The following JADE2 variants were observed in gnomAD, a reference collection of about 807,000 sequenced individuals.
JADE2 encodes jade family PHD finger 2, also known as E3 ubiquitin-protein ligase Jade-2.
In JADE2, 13 loss-of-function variants were observed where a neutral mutation model predicts 85.7. The ratio of observed to expected loss-of-function variants is 0.15; its 90% CI spans 0.10 to 0.24. JADE2 has a LOEUF of 0.24. JADE2 is among the 10% of genes least tolerant of loss of function. The probability of loss-of-function intolerance (pLI) is 1.00; values close to 1 mark genes in which losing one functional copy is unlikely to be tolerated. For synonymous variants in JADE2, 440 were observed against 456.1 expected (o/e 0.96, Z 0.45); for missense variants, 846 against 1,115.9 (o/e 0.76, Z 3.45).
Position 134,578,700 on chromosome 5 carries a change from C to A in JADE2, c.1888C>A (p.Arg630=). The change falls in exon 12 of 12, where the codon CGA becomes AGA. Residue 630 remains arginine, a synonymous_variant. Transcript: ENST00000681547. This position sits in a 1 kb window ranked among gnomAD's most constrained non-coding sequence, Gnocchi z 4.4. ...LLSFMRDPSL[R]PGDPARKARG... ...CAGCTTCATGCGGGACCCCTCGCTG[C>A]GACCTGGTGACCCTGCTAGGAAGGC... 2 of 1,613,730 alleles carry A rather than the reference C, an allele frequency of 1.2e-6. No individual in the cohort carries two copies. The highest frequency in any genetic ancestry group is 1.7e-6 in the Non-Finnish European group (2 of 1,179,964).
intron 1 of JADE2, among the ~76,000 whole-genome samples, chr5:134,527,857 G>A (rs1350301358): frequency 6.6e-6 from 1 of 152,198 alleles, no homozygotes; most frequent in Non-Finnish European, 1.5e-5. Flanking sequence ...TGTCTTTGCC[G>A]TATGCCGAAG....
chr5:134,538,755 A>G (rs1761760050), intron 3 of JADE2, among the ~76,000 whole-genome samples: 1 of 152,096 alleles, frequency 6.6e-6, no homozygotes, highest in African/African-American at 2.4e-5. Context: ...CTTCAGTGCT[A>G]ATGCCACAAG....
At chr5:134,546,456 A>G (rs978737099) in intron 3 of JADE2, among the ~76,000 whole-genome samples, 6 of 152,190 alleles carry the variant, frequency 3.9e-5, no homozygotes, top group African/African-American at 1.4e-4. Flanking sequence ...ATTAGAAGAG[A>G]TGGACATTAA....
chr5:134,533,773 G>T (rs1380188899), intron 1 of JADE2, among the ~76,000 whole-genome samples: 10 of 135,606 alleles, frequency 7.4e-5, no homozygotes, highest in Non-Finnish European at 9.2e-5. Flanking sequence ...TTGAGATAAG[G>T]TCTTACTCTG....
chr5:134,579,409 C>CTGGGACACTCAG lies in JADE2; in HGVS notation c.*92_*93insTGGGACACTCAG. ...GCCATTTCCAGTCTCTGCTGAGTGTCCCAGACCCTCGAGGCTGCCACTCCG... is the reference window on the plus strand; with the variant it reads ...GCCATTTCCAGTCTCTGCTGAGTGTCTGGGACACTCAGCCAGACCCTCGAGGCTGCCACTCCG... On this transcript the variant is annotated 3_prime_UTR_variant, in exon 12 of 12. Transcript: ENST00000681547. The surrounding 1 kb of genome is among the most constrained non-coding windows in gnomAD (Gnocchi z 4.6). 2 of 1,021,996 alleles carry CTGGGACACTCAG rather than the reference C, an allele frequency of 2.0e-6. No individual in the cohort carries two copies. The highest frequency in any genetic ancestry group is 2.8e-6 in the Non-Finnish European group (2 of 719,912). 63.3% of individuals were successfully genotyped at this position (1,021,996 alleles called of 1,614,324 possible). A position where few individuals can be genotyped will look rare whatever the true frequency, so the allele number is the denominator to read the frequency against.
intron 8 of JADE2, among the ~76,000 whole-genome samples, chr5:134,565,337 C>T (rs754027251): frequency 3.0e-4 from 46 of 152,306 alleles, no homozygotes; most frequent in Admixed American, 4.6e-4. Context: ...TAGTTGGGTG[C>T]GTGATTGCTG....
chr5:134,524,083 T>C (rs1024638068), upstream of JADE2, among the ~76,000 whole-genome samples: 1 of 152,156 alleles, frequency 6.6e-6, no homozygotes, highest in East Asian at 1.9e-4. Context: ...CAGCCGACCA[T>C]GAGGGGGAAG....
Position 134,535,927 on chromosome 5 carries a change from C to T in JADE2, c.58+12C>T, listed in dbSNP as rs191316430. On this transcript the variant is annotated intron_variant, in intron 2 of 11. Coordinates refer to ENST00000681547, the MANE Select transcript of JADE2 (RefSeq NM_001388185.1). Reference sequence around the variant, plus strand: ...TGACACCACTGACAGTAAGGCCTTCCAGTTTGGGCTCCTACAGGGAAAGCA... The same window carrying T: ...TGACACCACTGACAGTAAGGCCTTCTAGTTTGGGCTCCTACAGGGAAAGCA... 7.1e-5 allele frequency: 114 copies of T among 1,612,208 alleles called. No homozygotes were observed. The East Asian group carries it at 2.0e-3, about 28-fold the overall frequency.
At chr5:134,526,908 G>A (rs1046647002) in intron 1 of JADE2, 20 of 343,072 alleles carry the variant, frequency 5.8e-5, no homozygotes, top group Non-Finnish European at 7.8e-5. Context: ...GCGGGTGCGC[G>A]CCCGCGGGGC....
intron 3 of JADE2, among the ~76,000 whole-genome samples, chr5:134,539,820 G>T (rs982235608): frequency 6.6e-6 from 1 of 152,194 alleles, no homozygotes. Flanking sequence ...AGCCCTTGGA[G>T]GGGGGCTTCT....
chr5:134,576,801 G>A lies in JADE2; in HGVS notation c.1586G>A (p.Ser529Asn). The A allele has an allele frequency of 1.3e-6, 2 of 1,550,578 alleles. No individual in the cohort carries two copies. The highest frequency in any genetic ancestry group is 8.7e-7 in the Non-Finnish European group (1 of 1,146,962). ...GGGAGGAGAGCAAAGGGCAAGAAGA[G>A]TGACTCGAAGAGGAAGGGCTGCGAG... The part of the protein sequence containing the change: ...RSGRRAKGKK[S>N]DSKRKGCEGS... The change falls in exon 11 of 12, where the codon AGT becomes AAT. Residue 529 changes from serine to asparagine, a missense_variant. Coordinates refer to ENST00000681547, the MANE Select transcript of JADE2 (RefSeq NM_001388185.1).
rs778257053 is a variant in JADE2, at chr5:134,559,938, C to A, written c.420C>A (p.Asp140Glu). 1 of 1,613,962 alleles carries A rather than the reference C, an allele frequency of 6.2e-7. No individual in the cohort carries two copies. The highest frequency in any genetic ancestry group is 1.3e-5 in the African/African-American group (1 of 74,944). ...CAGGGGGCAGCCGCTATGACTTGGA[C>A]GAGATTGATGCCTACTGGCTGGAGC... is the stretch of plus-strand genomic sequence containing the variant. ...DWPGGSRYDL[D>E]EIDAYWLELI... The change falls in exon 5 of 12, where the codon GAC becomes GAA. Residue 140 changes from aspartate (D) to glutamate (E), a missense_variant. Transcript: ENST00000681547.
At chr5:134,528,264 C>T (rs890184251) in intron 1 of JADE2, among the ~76,000 whole-genome samples, 2 of 152,170 alleles carry the variant, frequency 1.3e-5, no homozygotes, top group African/African-American at 2.4e-5. Context: ...GGCAAAAGGG[C>T]TCGGCATGGA....
chr5:134,539,663 T>C (rs952395363), intron 3 of JADE2, among the ~76,000 whole-genome samples: 2 of 152,236 alleles, frequency 1.3e-5, no homozygotes, highest in Non-Finnish European at 2.9e-5. Context: ...CTTAAATCCT[T>C]GGGGCTCACA....
In JADE2 at chr5:134,535,935, G is replaced by A; in HGVS notation, c.58+20G>A. Reference sequence around the variant, plus strand: ...CTGACAGTAAGGCCTTCCAGTTTGGGCTCCTACAGGGAAAGCATTTGAACA... The same window carrying A: ...CTGACAGTAAGGCCTTCCAGTTTGGACTCCTACAGGGAAAGCATTTGAACA... On this transcript the variant is annotated intron_variant, in intron 2 of 11. Coordinates refer to ENST00000681547, the MANE Select transcript of JADE2 (RefSeq NM_001388185.1). 1.2e-6 allele frequency: 2 copies of A among 1,609,030 alleles called. No individual in the cohort carries two copies. The highest frequency in any genetic ancestry group is 2.7e-5 in the African/African-American group (2 of 74,906).
chr5:134,563,719 A>C (rs1321057531), intron 7 of JADE2, among the ~76,000 whole-genome samples: 1 of 152,218 alleles, frequency 6.6e-6, no homozygotes, highest in Non-Finnish European at 1.5e-5. Context: ...AGCAGTAGGC[A>C]CTTGCTTGCA....
At chr5:134,543,667 A>G (rs1375780116) in intron 3 of JADE2, among the ~76,000 whole-genome samples, 1 of 151,994 alleles carries the variant, frequency 6.6e-6, no homozygotes, top group African/African-American at 2.4e-5. Flanking sequence ...ACAAAGCAAG[A>G]CTCTGTCTCA....
intron 3 of JADE2, among the ~76,000 whole-genome samples, chr5:134,539,217 A>G (rs1761808121): frequency 6.6e-6 from 1 of 151,808 alleles, no homozygotes; most frequent in Non-Finnish European, 1.5e-5. Context: ...GCCCGCCACC[A>G]CACCCGGCTA....
intron 6 of JADE2, 26 bp downstream of exon 6, chr5:134,560,983 A>G (rs1176590350): frequency 2.5e-6 from 4 of 1,597,880 alleles, no homozygotes; most frequent in Non-Finnish European, 3.4e-6. Context: ...AGTCACCCTC[A>G]CCTGTGCCAT....
Sources: gnomAD v4.1 joint callset for allele counts (sites outside exome capture counted in the v4.1 genomes callset) on GRCh38, gnomAD v4.1.1 for gene constraint, Gnocchi (gnomAD v3.1) non-coding constraint, MANE v1.5 for transcripts, NCBI Gene and HGNC (gene_info 2026-07-23, HGNC 2026-07-21) for gene names.